GRIK4: variants seen among roughly 807,000 people sequenced by gnomAD.
GRIK4 encodes the protein glutamate ionotropic receptor kainate type subunit 4, also known as glutamate receptor ionotropic, kainate 4.
GRIK4 carries 40 observed loss-of-function variants against 104.9 expected under a neutral mutation model. The ratio of observed to expected loss-of-function variants is 0.38; its 90% CI spans 0.30 to 0.50. GRIK4 has a LOEUF of 0.50. Ranked by LOEUF, GRIK4 falls within the 20% of genes least tolerant of loss-of-function variation. The pLI is 0.93. For missense variants in GRIK4, 1,047 were observed against 1,308.1 expected, an observed-to-expected ratio of 0.80 and a Z score of 3.08; for synonymous variants, 485 against 524.9, an observed-to-expected ratio of 0.92 and a Z score of 1.04.
At chr11:120,525,011 G>C (rs1947841399) in intron 1 of GRIK4, among the ~76,000 whole-genome samples, 1 of 152,272 alleles carries the variant, frequency 6.6e-6, no homozygotes, top group Admixed American at 6.5e-5. Context: ...GGACCTCCCT[G>C]GTCAAGGCTG....
rs144147745 is a variant in GRIK4 at position 120,910,668 on chromosome 11, T to A, written c.1476+5175T>A. On this transcript the variant is annotated intron_variant, in intron 13 of 20. Coordinates refer to ENST00000527524, the MANE Select transcript of GRIK4 (RefSeq NM_014619.5). Reference sequence around the variant, plus strand: ...TCTCATGCCAGTACATTTACATGGATGTATAAACAGTTTTGGTGAAACTGT... The same window carrying A: ...TCTCATGCCAGTACATTTACATGGAAGTATAAACAGTTTTGGTGAAACTGT... 2.5e-3 allele frequency among the ~76,000 whole-genome samples: 379 copies of A among 152,268 alleles called. 2 individuals are homozygous for A. Among genetic ancestry groups the A allele is most frequent in the African/African-American group, 8.4e-3 (348 of 41,538 alleles).
intron 3 of GRIK4, among the ~76,000 whole-genome samples, chr11:120,731,680 C>G (rs1485397512): frequency 2.6e-5 from 4 of 152,076 alleles, no homozygotes; most frequent in African/African-American, 7.2e-5. Context: ...AGCAGTAAAG[C>G]TATCAGGTCC....
chr11:120,578,844 C>T (rs900415356), intron 1 of GRIK4, among the ~76,000 whole-genome samples: 3 of 152,204 alleles, frequency 2.0e-5, no homozygotes, highest in Non-Finnish European at 4.4e-5. Context: ...CACAAATACT[C>T]AGAGACGGAG....
intron 1 of GRIK4, among the ~76,000 whole-genome samples, chr11:120,546,212 G>A (rs895903489): frequency 6.6e-6 from 1 of 152,212 alleles, no homozygotes; most frequent in African/African-American, 2.4e-5. Context: ...AGCCCTTGCA[G>A]CGTTGGTGCT....
chr11:120,880,162 A>G (rs969878263), intron 11 of GRIK4, among the ~76,000 whole-genome samples: 3 of 152,206 alleles, frequency 2.0e-5, no homozygotes, highest in Non-Finnish European at 2.9e-5. Flanking sequence ...TCTCTGAGCA[A>G]TGGAGGTCGT....
At chr11:120,516,621 G>A (rs180676047) in intron 1 of GRIK4, among the ~76,000 whole-genome samples, 1 of 152,308 alleles carries the variant, frequency 6.6e-6, no homozygotes, top group Non-Finnish European at 1.5e-5. Context: ...GTGCAGAAGC[G>A]CGGGTTGAGG....
intron 1 of GRIK4, among the ~76,000 whole-genome samples, chr11:120,603,647 G>C (rs1000765698): frequency 6.6e-6 from 1 of 152,190 alleles, no homozygotes. Flanking sequence ...AGAAACACAT[G>C]CCGGGCATAG....
chr11:120,829,800 C>G (rs1953373893), intron 6 of GRIK4, among the ~76,000 whole-genome samples: 1 of 152,136 alleles, frequency 6.6e-6, no homozygotes, highest in Non-Finnish European at 1.5e-5. Context: ...GAGGGCTGAC[C>G]CTGAGCTTGA....
chr11:120,856,361 A>T (rs546806808), intron 8 of GRIK4, among the ~76,000 whole-genome samples: 5 of 152,342 alleles, frequency 3.3e-5, no homozygotes, highest in African/African-American at 1.2e-4. Flanking sequence ...CATGGTCATC[A>T]GTATAAATGG....
At chr11:120,937,209 T>C (rs1943616822) in intron 13 of GRIK4, among the ~76,000 whole-genome samples, 1 of 152,036 alleles carries the variant, frequency 6.6e-6, no homozygotes, top group African/African-American at 2.4e-5. Context: ...CAGCTAATTT[T>C]TGTATTTTTA....
rs557053341 is a variant in GRIK4 at position 120,809,021 on chromosome 11, G to A, written c.247+6164G>A. On this transcript the variant is annotated intron_variant, in intron 4 of 20. Coordinates refer to ENST00000527524, the MANE Select transcript of GRIK4 (RefSeq NM_014619.5). ...AGGAAGCTGCTCCTTCCTGGAGGGG[G>A]GCTACAGTCAGTGGCACTTACCATT... is the stretch of plus-strand genomic sequence containing the variant. Among the ~76,000 whole-genome samples, 50 of 152,226 alleles carry A rather than the reference G, an allele frequency of 3.3e-4. No homozygotes were observed. The South Asian group carries it at 0.01, about 32-fold the overall frequency.
chr11:120,904,492 G>A (rs912889717), intron 12 of GRIK4, among the ~76,000 whole-genome samples: 18 of 152,370 alleles, frequency 1.2e-4, no homozygotes, highest in Middle Eastern at 3.4e-3. Flanking sequence ...ACCCCTGGAT[G>A]CTTCCTCTCC....
At chr11:120,515,490 G>A (rs1461119632) in intron 1 of GRIK4, among the ~76,000 whole-genome samples, 1 of 152,218 alleles carries the variant, frequency 6.6e-6, no homozygotes, top group Non-Finnish European at 1.5e-5. Flanking sequence ...TGGGTATGGA[G>A]GGCACATTCT....
chr11:120,890,626 G>A (rs1280279153), intron 11 of GRIK4, among the ~76,000 whole-genome samples: 6 of 152,126 alleles, frequency 3.9e-5, no homozygotes, highest in Non-Finnish European at 8.8e-5. Context: ...ATATCTCTGA[G>A]TCTCACTTTC....
chr11:120,944,684 C>A (rs751999196), intron 14 of GRIK4, among the ~76,000 whole-genome samples: 1 of 152,230 alleles, frequency 6.6e-6, no homozygotes, highest in South Asian at 2.1e-4. Context: ...CATTTCTTGT[C>A]CATTACTGGA....
chr11:120,625,227 T>G (rs1177412012), intron 1 of GRIK4, among the ~76,000 whole-genome samples: 2 of 152,024 alleles, frequency 1.3e-5, no homozygotes, highest in African/African-American at 4.8e-5. Context: ...TGAGCCAAGA[T>G]TGCACCACTG....
chr11:120,843,066 A>G (rs1268570909), intron 8 of GRIK4, among the ~76,000 whole-genome samples: 2 of 152,272 alleles, frequency 1.3e-5, no homozygotes, highest in Non-Finnish European at 2.9e-5. Context: ...AGCAGAGAGA[A>G]GTGTTGAGAT....
intron 3 of GRIK4, among the ~76,000 whole-genome samples, chr11:120,663,296 A>G (rs778029416): frequency 1.1e-4 from 17 of 152,274 alleles, no homozygotes; most frequent in Admixed American, 3.3e-4. Context: ...TAACCTGCTC[A>G]TCTTGCAAAT....
intron 19 of GRIK4, among the ~76,000 whole-genome samples, chr11:120,972,530 GAGAA>G (rs1191364042): frequency 2.6e-5 from 4 of 152,150 alleles, no homozygotes; most frequent in Admixed American, 6.5e-5. Context: ...TGAAAAAAAA[GAGAA>G]AGAAATAGAA....
Sources: gnomAD v4.1 joint callset for allele counts (sites outside exome capture counted in the v4.1 genomes callset) on GRCh38, gnomAD v4.1.1 for gene constraint, MANE v1.5 for transcripts, NCBI Gene and HGNC (gene_info 2026-07-23, HGNC 2026-07-21) for gene names.